The following ZNF528 variants were observed in gnomAD, a reference collection of about 807,000 sequenced individuals.
The protein encoded by ZNF528 is zinc finger protein 528.
Under a neutral mutation model 13.3 loss-of-function variants are expected in ZNF528, and 9 were observed. The observed-to-expected ratio is 0.67, with a 90% CI of 0.41 to 1.18. The LOEUF (loss-of-function observed/expected upper bound fraction) is 1.18, where lower values mean the gene tolerates loss of function less well. Among genes scored for constraint, ZNF528 ranks in the 50% most tolerant of loss-of-function variants. ZNF528 has a pLI of 0.01. For synonymous variants in ZNF528, 264 were observed against 254.3 expected (o/e 1.04, Z -0.36); for missense variants, 858 against 745.4 (o/e 1.15, Z -1.76).
At chr19:52,407,185 C>G (rs1173981812) in intron 6 of ZNF528, among the ~76,000 whole-genome samples, 4 of 147,742 alleles carry the variant, frequency 2.7e-5, no homozygotes, top group Admixed American at 6.8e-5. Flanking sequence ...GGCACCCAGT[C>G]CAGAATGCAG....
intron 4 of ZNF528, among the ~76,000 whole-genome samples, chr19:52,405,671 T>TG (rs1272871961): frequency 6.6e-6 from 1 of 152,018 alleles, no homozygotes; most frequent in Non-Finnish European, 1.5e-5. Flanking sequence ...GATTAATTTT[T>TG]TTTGTATTGT....
chr19:52,415,077 A>T (rs1453967660), intron 6 of ZNF528, 47 bp from the exon 7 acceptor site: 1 of 1,612,196 alleles, frequency 6.2e-7, no homozygotes, highest in South Asian at 1.1e-5. Context: ...GACACTAAAG[A>T]TGCCATTATC....
chr19:52,405,576 C>T (rs2058845511), intron 4 of ZNF528, among the ~76,000 whole-genome samples: 1 of 152,088 alleles, frequency 6.6e-6, no homozygotes, highest in South Asian at 2.1e-4. Flanking sequence ...TCTGAAGACA[C>T]CACTTGAATT....
rs34244828 is a variant in ZNF528, at chr19:52,401,662, CTTTTT to C, written c.-136-7_-136-3del. 103 of 906,642 alleles carry C rather than the reference CTTTTT, an allele frequency of 1.1e-4. No homozygotes were observed. The highest frequency in any genetic ancestry group is 2.8e-4 in the East Asian group (4 of 14,250). The allele number at this position is 906,642 out of a possible 1,614,324, so 56.2% of individuals were successfully genotyped here. On this transcript the variant is annotated intron_variant, in intron 2 of 6. Transcript: ENST00000360465. ...CAGTTTATTACCACATGAAGAATTG[CTTTTT>C]TTTTTTTTTTTTTTTAGGTTCACAA...
chr19:52,400,168 A>G (rs553614079), intron 2 of ZNF528, among the ~76,000 whole-genome samples: 6 of 151,580 alleles, frequency 4.0e-5, no homozygotes, highest in Admixed American at 3.9e-4. Flanking sequence ...GTGTCATCAG[A>G]TTTTACTTCA....
rs183344274 is a variant in ZNF528, at chr19:52,417,411, C to A, written c.*672C>A. 1.8e-5 allele frequency: 3 copies of A among 165,352 alleles called. No individual in the cohort carries two copies. The highest frequency in any genetic ancestry group is 1.3e-4 in the Admixed American group (2 of 15,814). 10.2% of individuals were successfully genotyped at this position (165,352 alleles called of 1,614,324 possible). A position where few individuals can be genotyped will look rare whatever the true frequency, so the allele number is the denominator to read the frequency against. On this transcript the variant is annotated 3_prime_UTR_variant, in exon 7 of 7. Transcript: ENST00000360465. ...CATACTGTTGCAGTTAGCACACTTT[C>A]TCCTGACATAAGTGCACAGAGCTTC...
chr19:52,415,910 A>G lies in ZNF528; in HGVS notation c.1058A>G (p.Tyr353Cys), dbSNP rs1307857125. The G allele has an allele frequency of 6.2e-7, 1 of 1,614,072 alleles. No individual in the cohort carries two copies. Among genetic ancestry groups the G allele is most frequent in the African/African-American group, 1.3e-5 (1 of 75,056 alleles). The change falls in exon 7 of 7, where the codon TAC (tyrosine) becomes TGC (cysteine). Residue 353 changes from tyrosine to cysteine, a missense_variant. By Grantham distance (194) the Tyr-to-Cys change is radical (BLOSUM62 -2). Transcript: ENST00000360465. ...HQTVHTGEKP[Y>C]KCEECGKAFS... ...ACGGTTCATACTGGTGAGAAACCTT[A>G]CAAATGTGAAGAATGTGGCAAAGCA...
At chr19:52,408,009 C>G (rs987462731) in intron 6 of ZNF528, among the ~76,000 whole-genome samples, 2 of 151,896 alleles carry the variant, frequency 1.3e-5, no homozygotes, top group Non-Finnish European at 2.9e-5. Flanking sequence ...GCCACTTCAC[C>G]TGGCCCAAAA....
At position 52,415,536 on chromosome 19, in the gene ZNF528, T is replaced by A; in HGVS notation, c.684T>A (p.Leu228=). ...CGKVFSCSSK[L]VIHRRMHTGE... ...AGGTCTTTAGTTGCAGTTCAAAGCT[T>A]GTGATACATCGAAGAATGCATACTG... Residue 228 remains leucine, a synonymous_variant, in exon 7 of 7, where the codon CTT becomes CTA. Coordinates refer to ENST00000360465, the MANE Select transcript of ZNF528 (RefSeq NM_032423.3). The A allele has an allele frequency of 6.2e-7, 1 of 1,614,000 alleles. No individual in the cohort carries two copies. The highest frequency in any genetic ancestry group is 8.5e-7 in the Non-Finnish European group (1 of 1,180,004).
Position 52,416,493 on chromosome 19 carries a change from G to A in ZNF528, c.1641G>A (p.Arg547=). The change falls in exon 7 of 7, where the codon AGG becomes AGA. Residue 547 remains arginine, a synonymous_variant. Coordinates refer to ENST00000360465, the MANE Select transcript of ZNF528 (RefSeq NM_032423.3). The part of the protein sequence containing the change: ...TRHQIIHTGE[R]PYRCSKCGKA... The stretch of plus-strand genomic sequence containing the variant: ...ATCAAATAATTCATACTGGAGAGAG[G>A]CCTTACAGATGTAGTAAATGTGGCA... 1 of 1,614,070 alleles carries A rather than the reference G, an allele frequency of 6.2e-7. No individual in the cohort carries two copies. The highest frequency in any genetic ancestry group is 8.5e-7 in the Non-Finnish European group (1 of 1,180,006).
At chr19:52,413,486 A>G (rs1347895688) in intron 6 of ZNF528, 2 of 152,182 alleles carry the variant, frequency 1.3e-5, no homozygotes, top group Admixed American at 6.5e-5. Flanking sequence ...TCCTTCAACA[A>G]CTAAACTCTA....
rs930054152 is a variant in ZNF528 at position 52,414,095 on chromosome 19, C to G, written c.272-1029C>G. On this transcript the variant is annotated intron_variant, in intron 6 of 6. Coordinates refer to ENST00000360465, the MANE Select transcript of ZNF528 (RefSeq NM_032423.3). ...TTCAGAAAACTTCCCGTTCGCAGTA[C>G]TTTAGAGCACCGACCTCATATCGCT... 14 of 648,620 alleles carry G rather than the reference C, an allele frequency of 2.2e-5. No individual in the cohort carries two copies. The African/African-American group carries it at 2.5e-4, about 12-fold the overall frequency. The allele number at this position is 648,620 out of a possible 1,614,324, so 40.2% of individuals were successfully genotyped here.
At chr19:52,398,640 G>A (rs2058756243) in intron 2 of ZNF528, 21 bp downstream of exon 2, 9 of 984,154 alleles carry the variant, frequency 9.1e-6, no homozygotes, top group African/African-American at 1.7e-5. Context: ...GGTTTGCAGA[G>A]GCACAGTGAA....
intron 6 of ZNF528, 136 bp from the exon 7 acceptor site, chr19:52,414,988 T>C: frequency 1.3e-6 from 2 of 1,546,020 alleles, no homozygotes; most frequent in Non-Finnish European, 8.7e-7. Flanking sequence ...TTTTCTGCAC[T>C]GCCAGCATGA....
intron 2 of ZNF528, among the ~76,000 whole-genome samples, chr19:52,399,381 G>C (rs2058765195): frequency 6.6e-6 from 1 of 152,194 alleles, no homozygotes; most frequent in Non-Finnish European, 1.5e-5. Context: ...GGAAGCTGAG[G>C]TGAGCGGATC....
At chr19:52,400,642 C>T (rs1337017844) in intron 2 of ZNF528, among the ~76,000 whole-genome samples, 6 of 152,092 alleles carry the variant, frequency 3.9e-5, no homozygotes, top group African/African-American at 1.4e-4. Flanking sequence ...CCGTCTTAGC[C>T]TCCAGAGTAG....
chr19:52,416,899 G>T lies in ZNF528; in HGVS notation c.*160G>T. On this transcript the variant is annotated 3_prime_UTR_variant, in exon 7 of 7. Coordinates refer to ENST00000360465, the MANE Select transcript of ZNF528 (RefSeq NM_032423.3). The stretch of plus-strand genomic sequence containing the variant: ...CTGGACATCACCACATCACTGTGGA[G>T]GATGAAAGCACACAGATGAATTGTG... 1.4e-6 allele frequency: 1 copy of T among 690,684 alleles called. No homozygotes were observed. Among genetic ancestry groups the T allele is most frequent in the Non-Finnish European group, 2.4e-6 (1 of 422,206 alleles). 42.8% of individuals were successfully genotyped at this position (690,684 alleles called of 1,614,324 possible). A position where few individuals can be genotyped will look rare whatever the true frequency, so the allele number is the denominator to read the frequency against.
chr19:52,401,860 G>A, intron 3 of ZNF528, 87 bp from the exon 4 acceptor site: 1 of 1,530,232 alleles, frequency 6.5e-7, no homozygotes, highest in Middle Eastern at 1.7e-4. Flanking sequence ...ATTACCTCAG[G>A]GTGAGGTCTT....
Position 52,406,644 on chromosome 19 carries a change from G to T in ZNF528, c.271+1G>T, listed in dbSNP as rs1404485382. ...GAGTGCATCAAAGGTGTGAACACAG[G>T]TGAGAGCTCGGGTGGGCAGAGTGGA... On this transcript the variant is annotated splice_donor_variant, in intron 6 of 6. Transcript: ENST00000360465. LOFTEE classifies it high-confidence loss of function. The T allele has an allele frequency of 6.2e-7, 1 of 1,609,444 alleles. No homozygotes were observed. The highest frequency in any genetic ancestry group is 2.2e-5 in the East Asian group (1 of 44,802).
Sources: allele counts gnomAD v4.1 joint callset (sites outside exome capture counted in the v4.1 genomes callset), GRCh38; gene constraint gnomAD v4.1.1; transcripts MANE v1.5; gene names NCBI Gene and HGNC (gene_info 2026-07-23, HGNC 2026-07-21).